TNS3: variants seen among roughly 807,000 people sequenced by gnomAD.
TNS3 encodes tensin-3.
TNS3 carries 45 observed loss-of-function variants against 140.9 expected under a neutral mutation model. The observed-to-expected ratio is 0.32, with a 90% CI of 0.25 to 0.41. The LOEUF (loss-of-function observed/expected upper bound fraction) is 0.41. Ranked by LOEUF, TNS3 falls within the 10% of genes least tolerant of loss-of-function variation. The probability of loss-of-function intolerance (pLI) is 1.00; values close to 1 mark genes in which losing one functional copy is unlikely to be tolerated. For synonymous variants in TNS3, 815 were observed against 788.4 expected, an observed-to-expected ratio of 1.03 and a Z score of -0.56; for missense variants, 1,716 against 1,906.7, an observed-to-expected ratio of 0.90 and a Z score of 1.86.
intron 1 of TNS3, among the ~76,000 whole-genome samples, chr7:47,573,357 C>T (rs1424364421): frequency 6.6e-6 from 1 of 152,158 alleles, no homozygotes; most frequent in Non-Finnish European, 1.5e-5. Context: ...GACACCCTGC[C>T]GCCCTCCACG....
intron 1 of TNS3, among the ~76,000 whole-genome samples, chr7:47,554,638 G>C (rs186852874): frequency 9.8e-4 from 149 of 152,312 alleles, no homozygotes; most frequent in Admixed American, 1.8e-3. Context: ...AGAACTAGAC[G>C]TGGAGCCTGA....
intron 23 of TNS3, among the ~76,000 whole-genome samples, chr7:47,301,477 C>T (rs1011473890): frequency 6.6e-6 from 1 of 152,122 alleles, no homozygotes; most frequent in Non-Finnish European, 1.5e-5. Context: ...TATGAATTCT[C>T]CTCATTGCCC....
At chr7:47,380,128 C>T (rs1003915816) in intron 16 of TNS3, among the ~76,000 whole-genome samples, 2 of 152,230 alleles carry the variant, frequency 1.3e-5, no homozygotes, top group Admixed American at 1.3e-4. Flanking sequence ...GATAAAGGAG[C>T]ACTGTGCTCC....
chr7:47,309,117 T>C (rs1400314254), intron 20 of TNS3, among the ~76,000 whole-genome samples: 1 of 152,240 alleles, frequency 6.6e-6, no homozygotes, highest in Non-Finnish European at 1.5e-5. Flanking sequence ...GTTTGTTTCT[T>C]ACTTTTCAGG....
At chr7:47,416,744 T>C (rs112026170) in intron 10 of TNS3, among the ~76,000 whole-genome samples, 2 of 152,304 alleles carry the variant, frequency 1.3e-5, no homozygotes, top group African/African-American at 2.4e-5. Context: ...CAGTTGTACG[T>C]AGGCAGAGGA....
chr7:47,492,854 A>C (rs954978560), intron 3 of TNS3, among the ~76,000 whole-genome samples: 2 of 152,228 alleles, frequency 1.3e-5, no homozygotes. Flanking sequence ...GGTTCCGGAC[A>C]TGGAGCTCTG....
Position 47,369,432 on chromosome 7 carries a change from G to C in TNS3, c.1214C>G (p.Thr405Arg). The change falls in exon 17 of 31, where the codon ACG becomes AGG. Residue 405 changes from threonine (T) to arginine (R), a missense_variant. Thr to Arg is a moderately conservative substitution (Grantham distance 71). Transcript: ENST00000311160. Reference protein sequence around the residue: ...HSTASARTDKTEERLAPGTRR... With the variant: ...HSTASARTDKREERLAPGTRR... ...GGTTCCTGGGGCCAGGCGCTCTTCCGTCTTATCCGTCCTGGCAGAGGCTGT... is the reference window on the plus strand; with the variant it reads ...GGTTCCTGGGGCCAGGCGCTCTTCCCTCTTATCCGTCCTGGCAGAGGCTGT... The C allele has an allele frequency of 6.2e-7, 1 of 1,614,144 alleles. No homozygotes were observed. The highest frequency in any genetic ancestry group is 8.5e-7 in the Non-Finnish European group (1 of 1,180,038).
At chr7:47,476,892 T>G (rs1003319850) in intron 4 of TNS3, among the ~76,000 whole-genome samples, 3 of 152,204 alleles carry the variant, frequency 2.0e-5, no homozygotes, top group Non-Finnish European at 4.4e-5. Context: ...TTTGAGTCCA[T>G]GAATTAATCT....
intron 16 of TNS3, among the ~76,000 whole-genome samples, chr7:47,384,314 T>C (rs1167609467): frequency 6.6e-6 from 1 of 152,202 alleles, no homozygotes; most frequent in Non-Finnish European, 1.5e-5. Context: ...CCTCCTGCAC[T>C]CCACTTCAGA....
At chr7:47,383,553 G>C (rs577429354) in intron 16 of TNS3, among the ~76,000 whole-genome samples, 21 of 152,212 alleles carry the variant, frequency 1.4e-4, no homozygotes, top group Non-Finnish European at 2.6e-4. Context: ...TATGTGCTAT[G>C]AATCTGATCT....
At chr7:47,392,916 G>A (rs546175450) in intron 16 of TNS3, among the ~76,000 whole-genome samples, 3 of 152,360 alleles carry the variant, frequency 2.0e-5, no homozygotes, top group East Asian at 3.9e-4. Context: ...GATGGCAGAG[G>A]TGGTGATGGC....
chr7:47,303,876 G>C (rs1280539707), intron 21 of TNS3, among the ~76,000 whole-genome samples: 2 of 152,176 alleles, frequency 1.3e-5, no homozygotes, highest in African/African-American at 4.8e-5. Flanking sequence ...CTCGGCCCCT[G>C]CGCCTTCCCT....
At chr7:47,428,905 A>T (rs1157622666) in intron 8 of TNS3, among the ~76,000 whole-genome samples, 2 of 152,196 alleles carry the variant, frequency 1.3e-5, no homozygotes, top group Non-Finnish European at 2.9e-5. Flanking sequence ...CCCAGGCAGA[A>T]GTTCTGGAAA....
intron 16 of TNS3, among the ~76,000 whole-genome samples, chr7:47,374,218 A>C (rs1394719977): frequency 6.6e-6 from 1 of 152,218 alleles, no homozygotes. Context: ...GAACATTTGA[A>C]CATTATCTGG....
chr7:47,349,046 G>A (rs1266002045), intron 17 of TNS3, among the ~76,000 whole-genome samples: 2 of 152,206 alleles, frequency 1.3e-5, no homozygotes, highest in Non-Finnish European at 2.9e-5. Context: ...AGTGGGCTCC[G>A]TTCTGGGCCT....
At chr7:47,324,375 T>C (rs1028036791) in intron 20 of TNS3, among the ~76,000 whole-genome samples, 3 of 152,224 alleles carry the variant, frequency 2.0e-5, no homozygotes, top group Non-Finnish European at 2.9e-5. Flanking sequence ...ACAGATGAAA[T>C]TGGGAGGGTC....
intron 15 of TNS3, among the ~76,000 whole-genome samples, chr7:47,400,165 C>G (rs769727170): frequency 2.6e-5 from 4 of 152,204 alleles, no homozygotes; most frequent in African/African-American, 9.7e-5. Flanking sequence ...ATGCCCAAGG[C>G]TCTCCTGGCT....
chr7:47,346,059 G>T (rs914928282), intron 18 of TNS3, 128 bp downstream of exon 18: 4 of 1,231,524 alleles, frequency 3.2e-6, no homozygotes, highest in East Asian at 4.9e-5. Context: ...AGGACGGAAG[G>T]TGGGTGCGGA....
intron 2 of TNS3, among the ~76,000 whole-genome samples, chr7:47,509,236 T>C (rs760879049): frequency 6.6e-6 from 1 of 152,158 alleles, no homozygotes; most frequent in Non-Finnish European, 1.5e-5. Context: ...TCAATTATCA[T>C]AGTGAAATCA....
Sources: gnomAD v4.1 joint callset for allele counts (sites outside exome capture counted in the v4.1 genomes callset) on GRCh38, gnomAD v4.1.1 for gene constraint, MANE v1.5 for transcripts, NCBI Gene and HGNC (gene_info 2026-07-23, HGNC 2026-07-21) for gene names.